Variants in SLC2A13 observed in about 807,000 individuals in gnomAD.
SLC2A13 encodes solute carrier family 2 member 13, also known as proton myo-inositol cotransporter.
SLC2A13 carries 32 observed loss-of-function variants against 64.4 expected under a neutral mutation model. The ratio of observed to expected loss-of-function variants is 0.50; its 90% CI spans 0.37 to 0.67. SLC2A13 has a LOEUF of 0.67. Among genes scored for constraint, SLC2A13 ranks in the 30% least tolerant of loss-of-function variants. SLC2A13 has a pLI of 0.00. For synonymous variants in SLC2A13, 338 were observed against 327.1 expected (o/e 1.03, Z -0.36); for missense variants, 743 against 829.2 (o/e 0.90, Z 1.28).
chr12:39,894,851 G>C (rs965560635), intron 4 of SLC2A13, among the ~76,000 whole-genome samples: 1 of 151,598 alleles, frequency 6.6e-6, no homozygotes, highest in Admixed American at 6.6e-5. Context: ...AAAAGTCAAA[G>C]AAAAAAGGGA....
intron 4 of SLC2A13, among the ~76,000 whole-genome samples, chr12:39,877,642 G>A (rs574523147): frequency 6.6e-6 from 1 of 152,258 alleles, no homozygotes; most frequent in East Asian, 1.9e-4. Context: ...TAAAAGTCAG[G>A]TCATGGACTT....
chr12:40,071,395 A>C (rs1937949625), intron 1 of SLC2A13, among the ~76,000 whole-genome samples: 1 of 152,148 alleles, frequency 6.6e-6, no homozygotes. Context: ...ATAATGGTAT[A>C]TGTCTTTAGT....
chr12:39,768,403 A>T (rs1202821829), intron 7 of SLC2A13, among the ~76,000 whole-genome samples: 1 of 152,072 alleles, frequency 6.6e-6, no homozygotes, highest in Non-Finnish European at 1.5e-5. Context: ...TTGTAGTCAC[A>T]ATTTGGCTAT....
At chr12:39,965,446 C>T (rs1946492678) in intron 3 of SLC2A13, among the ~76,000 whole-genome samples, 1 of 152,116 alleles carries the variant, frequency 6.6e-6, no homozygotes, top group Admixed American at 6.5e-5. Context: ...AATGAGATAA[C>T]ACAGTGAAAG....
intron 4 of SLC2A13, among the ~76,000 whole-genome samples, chr12:39,898,975 T>A: frequency 6.6e-6 from 1 of 152,198 alleles, no homozygotes; most frequent in Non-Finnish European, 1.5e-5. Context: ...GGCTTTGGTA[T>A]CAGGATGATG....
chr12:39,911,639 T>A (rs1308940102), intron 4 of SLC2A13, among the ~76,000 whole-genome samples: 1 of 152,076 alleles, frequency 6.6e-6, no homozygotes, highest in Admixed American at 6.5e-5. Context: ...TCTGAATGCA[T>A]CAGGACAAAG....
At chr12:39,895,141 C>G (rs945269983) in intron 4 of SLC2A13, among the ~76,000 whole-genome samples, 1 of 151,982 alleles carries the variant, frequency 6.6e-6, no homozygotes, top group African/African-American at 2.4e-5. Flanking sequence ...GTACCTGGGA[C>G]TACAGGTGCA....
chr12:39,896,362 A>T (rs1036051833), intron 4 of SLC2A13, among the ~76,000 whole-genome samples: 7 of 139,636 alleles, frequency 5.0e-5, no homozygotes, highest in African/African-American at 1.4e-4. Context: ...GTATATGTGT[A>T]TATATGTATA....
chr12:39,995,844 C>A (rs1305592803), intron 3 of SLC2A13, among the ~76,000 whole-genome samples: 1 of 152,188 alleles, frequency 6.6e-6, no homozygotes, highest in East Asian at 1.9e-4. Context: ...GCACAAGCTG[C>A]CGCTCTTTGC....
intron 3 of SLC2A13, among the ~76,000 whole-genome samples, chr12:40,015,597 T>C (rs1947608402): frequency 6.6e-6 from 1 of 152,166 alleles, no homozygotes; most frequent in South Asian, 2.1e-4. Context: ...GACTCACCTT[T>C]CTAACCCCAG....
intron 7 of SLC2A13, among the ~76,000 whole-genome samples, chr12:39,800,040 C>A (rs971952420): frequency 3.3e-5 from 5 of 152,040 alleles, no homozygotes; most frequent in African/African-American, 1.2e-4. Flanking sequence ...AGATTTTTGC[C>A]AAGTAAACAT....
At chr12:40,004,018 C>G (rs28370645) in intron 3 of SLC2A13, among the ~76,000 whole-genome samples, 19,731 of 151,140 alleles carry the variant, frequency 0.13, 1,363 homozygotes, top group East Asian at 0.19. Context: ...ACAAAAAATT[C>G]CTCCCAAAAA....
chr12:39,801,399 C>CA (rs1941787652), intron 7 of SLC2A13, among the ~76,000 whole-genome samples: 1 of 137,656 alleles, frequency 7.3e-6, no homozygotes, highest in African/African-American at 2.7e-5. Flanking sequence ...AAGGCATAAA[C>CA]AAAACATAAA....
intron 4 of SLC2A13, among the ~76,000 whole-genome samples, chr12:39,936,712 C>T (rs1335305091): frequency 1.3e-5 from 2 of 152,144 alleles, no homozygotes; most frequent in Non-Finnish European, 2.9e-5. Flanking sequence ...GATGTGTTCA[C>T]TCTCAAGCTA....
At chr12:39,914,138 A>T (rs1945480107) in intron 4 of SLC2A13, among the ~76,000 whole-genome samples, 1 of 152,046 alleles carries the variant, frequency 6.6e-6, no homozygotes, top group African/African-American at 2.4e-5. Context: ...AAAACACTGA[A>T]GAGCTGAATG....
intron 7 of SLC2A13, among the ~76,000 whole-genome samples, chr12:39,784,095 A>G (rs562876538): frequency 7.9e-5 from 12 of 152,358 alleles, no homozygotes; most frequent in Admixed American, 5.2e-4. Flanking sequence ...CAAATGGAGA[A>G]CATTCCATGC....
chr12:39,914,210 T>C (rs902233845), intron 4 of SLC2A13, among the ~76,000 whole-genome samples: 3 of 152,000 alleles, frequency 2.0e-5, no homozygotes, highest in African/African-American at 7.3e-5. Flanking sequence ...TAGGGCATGA[T>C]ATAGAGATTT....
intron 2 of SLC2A13, among the ~76,000 whole-genome samples, chr12:40,029,556 C>T (rs946674326): frequency 6.6e-6 from 1 of 152,128 alleles, no homozygotes; most frequent in Non-Finnish European, 1.5e-5. Flanking sequence ...ACCTTTTAAG[C>T]TATGCTAAAC....
chr12:39,904,730 A>G (rs988198408), intron 4 of SLC2A13, among the ~76,000 whole-genome samples: 3 of 152,132 alleles, frequency 2.0e-5, no homozygotes, highest in African/African-American at 7.2e-5. Flanking sequence ...ACTAGACTAC[A>G]AGCCACAGGG....
Sources: gnomAD v4.1 joint callset for allele counts (sites outside exome capture counted in the v4.1 genomes callset) on GRCh38, gnomAD v4.1.1 for gene constraint, MANE v1.5 for transcripts, NCBI Gene and HGNC (gene_info 2026-07-23, HGNC 2026-07-21) for gene names.